ATRX: variants seen among roughly 807,000 people sequenced by gnomAD.
The protein encoded by ATRX is chromatin remodeler ATRX.
ATRX carries 12 observed loss-of-function variants against 172.6 expected under a neutral mutation model. That is an observed-to-expected ratio of 0.07 (90% CI 0.04 to 0.11). The LOEUF (loss-of-function observed/expected upper bound fraction) is 0.11. Among genes scored for constraint, ATRX ranks in the 10% least tolerant of loss-of-function variants. The pLI is 1.00. For synonymous variants in ATRX, 674 were observed against 594.7 expected (o/e 1.13, Z -1.94); for missense variants, 1,368 against 1,767.4 (o/e 0.77, Z 4.05).
At chrX:77,697,334 C>A (rs1210538458) in intron 4 of ATRX, among the ~76,000 whole-genome samples, 1 of 110,894 alleles carries the variant, frequency 9.0e-6, no homozygotes, top group Non-Finnish European at 1.9e-5. Context: ...TTGCAAGGGC[C>A]ACTAATATAT....
At chrX:77,534,455 A>AT (rs1557047705) in intron 30 of ATRX, among the ~76,000 whole-genome samples, 1 of 112,034 alleles carries the variant, frequency 8.9e-6, no homozygotes, top group Admixed American at 9.5e-5. Context: ...CCCAATACAC[A>AT]ACACAACTGG....
chrX:77,719,438 T>C, intron 1 of ATRX, among the ~76,000 whole-genome samples: 1 of 110,516 alleles, frequency 9.0e-6, no homozygotes, highest in Non-Finnish European at 1.9e-5. Context: ...ATAATAATTT[T>C]AAAAACAAAT....
chrX:77,538,654 T>C (rs1351825224), intron 30 of ATRX, among the ~76,000 whole-genome samples: 2 of 111,590 alleles, frequency 1.8e-5, no homozygotes, highest in African/African-American at 6.5e-5. Context: ...AAAAGTTAGC[T>C]GATGCATAAA....
intron 4 of ATRX, among the ~76,000 whole-genome samples, chrX:77,697,338 A>T (rs1346345290): frequency 1.8e-5 from 2 of 111,707 alleles, no homozygotes; most frequent in African/African-American, 6.5e-5. Context: ...AAGGGCCACT[A>T]ATATATAATA....
chrX:77,540,756 C>A (rs782437452), intron 30 of ATRX, among the ~76,000 whole-genome samples: 1 of 111,878 alleles, frequency 8.9e-6, no homozygotes, highest in Admixed American at 9.5e-5. Context: ...TAAAGAAGTT[C>A]TTTGAAACCA....
chrX:77,634,812 A>C, intron 16 of ATRX, 109 bp from the exon 17 acceptor site: 1 of 652,804 alleles, frequency 1.5e-6, no homozygotes, highest in Non-Finnish European at 2.5e-6. Context: ...AGCATTAAAA[A>C]AACACTTAGC....
intron 26 of ATRX, among the ~76,000 whole-genome samples, chrX:77,591,987 A>G (rs1916357963): frequency 8.9e-6 from 1 of 112,125 alleles, no homozygotes; most frequent in African/African-American, 3.2e-5. Context: ...AAATGTCTAT[A>G]CTAATGGTTC....
intron 13 of ATRX, 102 bp downstream of exon 13, chrX:77,656,458 C>T (rs1472892003): frequency 5.0e-6 from 3 of 596,092 alleles, no homozygotes; most frequent in Non-Finnish European, 8.5e-6. Flanking sequence ...TATTATATAT[C>T]ACACTAACTT....
chrX:77,571,004 A>G (rs1557067090), intron 28 of ATRX, among the ~76,000 whole-genome samples: 1 of 110,919 alleles, frequency 9.0e-6, no homozygotes. Context: ...TTAAGACCAC[A>G]ATAAGATACC....
chrX:77,755,190 C>A (rs1390002877), intron 1 of ATRX, among the ~76,000 whole-genome samples: 1 of 112,544 alleles, frequency 8.9e-6, no homozygotes, highest in Non-Finnish European at 1.9e-5. Context: ...TCCATCAGGT[C>A]ATTTATGTCC....
intron 15 of ATRX, among the ~76,000 whole-genome samples, chrX:77,636,513 G>C (rs782194541): frequency 4.6e-4 from 51 of 110,999 alleles, no homozygotes; most frequent in South Asian, 2.3e-3. Context: ...GCAAAACCGT[G>C]AGTCAATGAA....
Position 77,786,076 on chromosome X carries a change from T to C in ATRX, c.-75A>G. 9.1e-7 allele frequency: 1 copy of C among 1,103,911 alleles called. No homozygotes were observed. The highest frequency in any genetic ancestry group is 1.2e-6 in the Non-Finnish European group (1 of 817,418). The allele number at this position is 1,103,911 out of a possible 1,213,427, so 91.0% of individuals were successfully genotyped here. On this transcript the variant is annotated 5_prime_UTR_variant, in exon 1 of 35. Coordinates refer to ENST00000373344, the MANE Select transcript of ATRX (RefSeq NM_000489.6). ...TGCGCTCCCCCGCGCCCGGTTACGA[T>C]AGAAATGCACTGGAGTCTTAGTCGT...
chrX:77,718,058 G>C (rs1557166441), intron 1 of ATRX, among the ~76,000 whole-genome samples: 1 of 110,862 alleles, frequency 9.0e-6, no homozygotes. Flanking sequence ...GAAATCCTTA[G>C]AAATCAAAAC....
At position 77,520,905 on chromosome X, in the gene ATRX, G is replaced by A. The variant is rs3027525; in HGVS notation, c.7083C>T (p.Asn2361=). The A allele has an allele frequency of 2.2e-5, 27 of 1,206,262 alleles. No individual in the cohort carries two copies. The Admixed American group carries it at 5.9e-4, about 26-fold the overall frequency. ...EDIISAVWKE[N]MNLSEAQVQA... ...GTACTTGGGCCTCTGAGAGATTCAT[G>A]TTCTCCTTCCACTAAAAGAAAAATT... The change falls in exon 34 of 35, where the codon AAC becomes AAT. Residue 2361 remains asparagine, a synonymous_variant. Transcript: ENST00000373344.
In ATRX at chrX:77,585,583, C is replaced by CA. The variant is rs781792876; in HGVS notation, c.6217+4250dup. 8.2e-4 allele frequency among the ~76,000 whole-genome samples: 7 copies of CA among 8,552 alleles called. 1 individual carries two copies. The highest frequency in any genetic ancestry group is 2.6e-3 in the African/African-American group (7 of 2,710). The allele number at this position is 8,552 out of a possible 115,157, so 7.4% of individuals were successfully genotyped here. ...AGAGCAAGACCTTGTCTCCCCCCAC[C>CA]AAAAAAAAAAAAAAAAAAAAAAAAA... On this transcript the variant is annotated intron_variant, in intron 27 of 34. Transcript: ENST00000373344.
At chrX:77,625,777 T>A (rs1346328280) in intron 19 of ATRX, among the ~76,000 whole-genome samples, 2 of 109,768 alleles carry the variant, frequency 1.8e-5, no homozygotes, top group Non-Finnish European at 3.8e-5. Context: ...GGAACACTTC[T>A]ACACTGCTGG....
intron 30 of ATRX, among the ~76,000 whole-genome samples, chrX:77,554,165 T>C (rs1169491218): frequency 9.1e-5 from 10 of 110,377 alleles, no homozygotes; most frequent in African/African-American, 3.3e-4. Context: ...ATTAGCTGGG[T>C]GTGGTGGCAC....
At chrX:77,669,815 C>A (rs1254008292) in intron 10 of ATRX, among the ~76,000 whole-genome samples, 1 of 110,416 alleles carries the variant, frequency 9.1e-6, no homozygotes, top group Admixed American at 9.7e-5. Flanking sequence ...CATTCTGCCT[C>A]GGTATCCTGA....
chrX:77,659,650 T>TATCA (rs1427943092), intron 12 of ATRX, among the ~76,000 whole-genome samples: 2 of 111,115 alleles, frequency 1.8e-5, no homozygotes, highest in African/African-American at 6.5e-5. Flanking sequence ...AAAAAATTAC[T>TATCA]ATCATCTAAT....
Sources: allele counts gnomAD v4.1 joint callset (sites outside exome capture counted in the v4.1 genomes callset), GRCh38; gene constraint gnomAD v4.1.1; transcripts MANE v1.5; gene names NCBI Gene and HGNC (gene_info 2026-07-23, HGNC 2026-07-21).